Variants in PMS1 observed in about 807,000 individuals in gnomAD.
PMS1 encodes the protein PMS1 homolog 1, mismatch repair system component, also known as PMS1 protein homolog 1.
A neutral mutation model predicts 93.1 loss-of-function variants in PMS1; 79 were observed. The ratio of observed to expected loss-of-function variants is 0.85; its 90% confidence interval spans 0.71 to 1.02. The LOEUF is 1.02. Among genes scored for constraint, PMS1 ranks in the 50% least tolerant of loss-of-function variants. PMS1 has a pLI of 0.00. For missense variants in PMS1, 1,064 were observed against 1,085.3 expected (o/e 0.98, Z 0.28); for synonymous variants, 335 against 363.4 (o/e 0.92, Z 0.89).
chr2:189,839,720 T>G (rs1021951156), intron 5 of PMS1, among the ~76,000 whole-genome samples: 22 of 152,282 alleles, frequency 1.4e-4, no homozygotes, highest in African/African-American at 5.3e-4. Flanking sequence ...ATTTTAAGAT[T>G]TTGCTTTCTT....
At chr2:189,800,637 G>A (rs927196954) in intron 3 of PMS1, among the ~76,000 whole-genome samples, 28 of 152,106 alleles carry the variant, frequency 1.8e-4, no homozygotes, top group African/African-American at 6.8e-4. Flanking sequence ...AAACTTTTTA[G>A]ATGAAAATTA....
chr2:189,807,294 T>C (rs2050427099), intron 4 of PMS1, among the ~76,000 whole-genome samples: 1 of 152,158 alleles, frequency 6.6e-6, no homozygotes, highest in African/African-American at 2.4e-5. Context: ...GTCTAACAGC[T>C]ATTTTATTTG....
intron 4 of PMS1, 171 bp downstream of exon 4, chr2:189,805,925 T>G: frequency 6.6e-7 from 1 of 1,518,538 alleles, no homozygotes; most frequent in South Asian, 1.3e-5. Context: ...CACCAATTTC[T>G]TAAATATTTA....
intron 4 of PMS1, among the ~76,000 whole-genome samples, chr2:189,810,523 C>G (rs557584833): frequency 6.6e-6 from 1 of 152,342 alleles, no homozygotes; most frequent in South Asian, 2.1e-4. Flanking sequence ...TTTATAGCCA[C>G]TTGTGGGCAG....
At chr2:189,853,448 T>G (rs1212543087) in intron 7 of PMS1, among the ~76,000 whole-genome samples, 1 of 152,156 alleles carries the variant, frequency 6.6e-6, no homozygotes, top group Non-Finnish European at 1.5e-5. Flanking sequence ...TTGTTTTGAA[T>G]GCTTGTGCTT....
chr2:189,851,414 T>G (rs1460293356), intron 6 of PMS1, among the ~76,000 whole-genome samples: 1 of 152,240 alleles, frequency 6.6e-6, no homozygotes, highest in African/African-American at 2.4e-5. Flanking sequence ...TGTTACCTGG[T>G]AAATTATACA....
intron 5 of PMS1, among the ~76,000 whole-genome samples, chr2:189,832,334 G>A (rs146980151): frequency 6.6e-6 from 1 of 152,280 alleles, no homozygotes; most frequent in African/African-American, 2.4e-5. Flanking sequence ...ATCAAATACT[G>A]CTATGTTGTT....
intron 6 of PMS1, among the ~76,000 whole-genome samples, chr2:189,851,055 AT>A (rs1233397693): frequency 6.6e-6 from 1 of 152,162 alleles, no homozygotes; most frequent in East Asian, 1.9e-4. Context: ...TGTTGCACTG[AT>A]TTGGTGTCTC....
intron 6 of PMS1, among the ~76,000 whole-genome samples, chr2:189,850,826 C>T (rs1189350329): frequency 2.6e-5 from 4 of 152,012 alleles, no homozygotes; most frequent in Non-Finnish European, 5.9e-5. Flanking sequence ...AGAAGGGCTG[C>T]GTAGTGTCCC....
At chr2:189,808,199 A>T (rs796997746) in intron 4 of PMS1, among the ~76,000 whole-genome samples, 1 of 152,080 alleles carries the variant, frequency 6.6e-6, no homozygotes, top group South Asian at 2.1e-4. Context: ...CCTGCTTAGC[A>T]TTTACTCTTC....
chr2:189,786,519 C>T (rs527461568), intron 1 of PMS1, among the ~76,000 whole-genome samples: 2 of 152,086 alleles, frequency 1.3e-5, no homozygotes, highest in Non-Finnish European at 2.9e-5. Context: ...TCTAATTTTG[C>T]TTTATGTGCT....
chr2:189,785,939 A>G (rs1001491377), intron 1 of PMS1, among the ~76,000 whole-genome samples: 2 of 152,122 alleles, frequency 1.3e-5, no homozygotes, highest in Non-Finnish European at 2.9e-5. Flanking sequence ...AGCCTGGCCA[A>G]CATGGTGAAA....
intron 5 of PMS1, among the ~76,000 whole-genome samples, chr2:189,842,245 A>T (rs4920656): frequency 0.024 from 3,600 of 152,008 alleles, 126 homozygotes; most frequent in East Asian, 0.19. Flanking sequence ...AAACGTCCTT[A>T]TTCTGTGTAC....
At chr2:189,828,064 C>T (rs748968291) in intron 5 of PMS1, among the ~76,000 whole-genome samples, 13 of 151,496 alleles carry the variant, frequency 8.6e-5, no homozygotes, top group Non-Finnish European at 1.3e-4. Flanking sequence ...GCTGGGACTG[C>T]AGGCACCTAC....
intron 4 of PMS1, among the ~76,000 whole-genome samples, chr2:189,809,064 C>T (rs1245642347): frequency 6.6e-6 from 1 of 152,086 alleles, no homozygotes; most frequent in Non-Finnish European, 1.5e-5. Flanking sequence ...ATTTTCCTAC[C>T]CTGTTACTAG....
At chr2:189,838,375 A>G (rs1021447317) in intron 5 of PMS1, among the ~76,000 whole-genome samples, 2 of 152,136 alleles carry the variant, frequency 1.3e-5, no homozygotes, top group Non-Finnish European at 2.9e-5. Flanking sequence ...TCCTTTAACG[A>G]AAGTATTTAG....
intron 5 of PMS1, among the ~76,000 whole-genome samples, chr2:189,823,023 T>C (rs988593975): frequency 6.6e-6 from 1 of 152,188 alleles, no homozygotes; most frequent in African/African-American, 2.4e-5. Flanking sequence ...GGAAATGCTG[T>C]GAATTTAGAT....
intron 5 of PMS1, among the ~76,000 whole-genome samples, chr2:189,831,878 T>C (rs1167398696): frequency 1.3e-5 from 2 of 152,106 alleles, no homozygotes; most frequent in East Asian, 1.9e-4. Flanking sequence ...GCCTCCCAGG[T>C]TCAAGCAATT....
At chr2:189,786,087 T>C (rs955788375) in intron 1 of PMS1, among the ~76,000 whole-genome samples, 1 of 152,052 alleles carries the variant, frequency 6.6e-6, no homozygotes, top group African/African-American at 2.4e-5. Flanking sequence ...ATCGCTGCAC[T>C]CTGGCCTGGG....
Sources: gnomAD v4.1 joint callset for allele counts (sites outside exome capture counted in the v4.1 genomes callset) on GRCh38, gnomAD v4.1.1 for gene constraint, MANE v1.5 for transcripts, NCBI Gene and HGNC (gene_info 2026-07-23, HGNC 2026-07-21) for gene names.